The following GDAP1 variants were observed in gnomAD, a reference collection of about 807,000 sequenced individuals.
GDAP1 encodes the protein ganglioside-induced differentiation-associated protein 1.
A neutral mutation model predicts 40.1 loss-of-function variants in GDAP1; 34 were observed. The observed-to-expected ratio is 0.85, with a 90% CI of 0.64 to 1.13. The LOEUF (loss-of-function observed/expected upper bound fraction) is 1.13. Ranked by LOEUF, GDAP1 falls within the 50% of genes most tolerant of loss-of-function variation. GDAP1 has a pLI of 0.00. For missense variants in GDAP1, 374 were observed against 433.7 expected, an observed-to-expected ratio of 0.86 and a Z score of 1.22; for synonymous variants, 170 against 157.4, an observed-to-expected ratio of 1.08 and a Z score of -0.60.
At chr8:74,476,274 GC>G (rs1388369576) in intron 2 of GDAP1, among the ~76,000 whole-genome samples, 6 of 151,992 alleles carry the variant, frequency 3.9e-5, no homozygotes, top group African/African-American at 1.4e-4. Flanking sequence ...GGATATTTAT[GC>G]CATTTACATT....
At chr8:74,408,313 G>T (rs1361779922) in intron 2 of GDAP1, among the ~76,000 whole-genome samples, 1 of 150,180 alleles carries the variant, frequency 6.7e-6, no homozygotes, top group Non-Finnish European at 1.5e-5. Context: ...TTCTCCCAGG[G>T]TATCTCCAAG....
chr8:74,442,450 G>C (rs1806174827), intron 2 of GDAP1, among the ~76,000 whole-genome samples: 1 of 152,116 alleles, frequency 6.6e-6, no homozygotes, highest in South Asian at 2.1e-4. Flanking sequence ...AGTTTGGGTT[G>C]CCACTCCATT....
At position 74,414,859 on chromosome 8, in the gene GDAP1, C is replaced by G. The variant is rs1281517751; in HGVS notation, c.165+63538C>G. 3.3e-5 allele frequency among the ~76,000 whole-genome samples: 5 copies of G among 149,660 alleles called. 1 individual carries two copies. The highest frequency in any genetic ancestry group is 1.3e-4 in the African/African-American group (5 of 39,172). On this transcript the variant is annotated intron_variant, in intron 2 of 2. Coordinates refer to the GDAP1 transcript ENST00000523640. ...CCATGAACCCCAAGCAAGATAAACA[C>G]AAAAGAATACATGTCCAGACACATA...
chr8:74,431,806 T>C (rs925628131), intron 2 of GDAP1, among the ~76,000 whole-genome samples: 1 of 152,118 alleles, frequency 6.6e-6, no homozygotes, highest in African/African-American at 2.4e-5. Flanking sequence ...ATAAAAATGG[T>C]AAAATAAGCG....
intron 2 of GDAP1, among the ~76,000 whole-genome samples, chr8:74,462,425 C>G (rs1806412512): frequency 6.6e-6 from 1 of 152,284 alleles, no homozygotes; most frequent in African/African-American, 2.4e-5. Flanking sequence ...ATTGTCTGAG[C>G]TGTTTTCATT....
chr8:74,358,716 T>C (rs1215600985), intron 2 of GDAP1, among the ~76,000 whole-genome samples: 1 of 152,164 alleles, frequency 6.6e-6, no homozygotes, highest in African/African-American at 2.4e-5. Flanking sequence ...AAACATGTTT[T>C]AGGAAAACCC....
intron 2 of GDAP1, among the ~76,000 whole-genome samples, chr8:74,392,570 A>G (rs1410156754): frequency 6.6e-6 from 1 of 152,198 alleles, no homozygotes; most frequent in East Asian, 1.9e-4. Context: ...CATATTATAT[A>G]CTAGTGAGAA....
intron 2 of GDAP1, among the ~76,000 whole-genome samples, chr8:74,379,025 T>G (rs1206088839): frequency 2.0e-5 from 3 of 152,168 alleles, no homozygotes; most frequent in Non-Finnish European, 4.4e-5. Context: ...GGAGGGCATG[T>G]CCTCTTGGCC....
chr8:74,388,799 T>C (rs891577765), intron 2 of GDAP1, among the ~76,000 whole-genome samples: 2 of 152,198 alleles, frequency 1.3e-5, no homozygotes, highest in Non-Finnish European at 2.9e-5. Flanking sequence ...CTCATTATTA[T>C]TGTGTGGGAG....
At chr8:74,427,183 T>C (rs1805958570) in intron 2 of GDAP1, among the ~76,000 whole-genome samples, 1 of 152,332 alleles carries the variant, frequency 6.6e-6, no homozygotes, top group South Asian at 2.1e-4. Flanking sequence ...AGATATGTGA[T>C]CCAGCTGACA....
intron 2 of GDAP1, among the ~76,000 whole-genome samples, chr8:74,374,351 C>T (rs572449741): frequency 6.6e-6 from 1 of 152,164 alleles, no homozygotes; most frequent in East Asian, 1.9e-4. Flanking sequence ...CTTCCTTGTA[C>T]CTCCGGTAGA....
intron 2 of GDAP1, among the ~76,000 whole-genome samples, chr8:74,422,345 CTTTCTTCCCTTCCTT>C (rs1563465499): frequency 2.5e-3 from 118 of 46,596 alleles, no homozygotes; most frequent in Middle Eastern, 0.016. Context: ...TTCTTTCTTT[CTTTCTTCCCTTCCTT>C]CCTTCCTTCC....
Position 74,412,959 on chromosome 8 carries a change from T to C in GDAP1, c.165+61638T>C, listed in dbSNP as rs372532204. Among the ~76,000 whole-genome samples, 847 of 143,042 alleles carry C rather than the reference T, an allele frequency of 5.9e-3. 71 individuals carry two copies. Among genetic ancestry groups the C allele is most frequent in the African/African-American group, 0.022 (791 of 36,236 alleles). 93.8% of individuals were successfully genotyped at this position (143,042 alleles called of 152,430 possible). A position where few individuals can be genotyped will look rare whatever the true frequency, so the allele number is the denominator to read the frequency against. On this transcript the variant is annotated intron_variant, in intron 2 of 2. Coordinates refer to the GDAP1 transcript ENST00000523640. ...GCACGTGCCTGTAGTCCCAGCTACT[T>C]GGGAGGCTGAGGCAGGAGAATCCCT...
At position 74,364,425 on chromosome 8, in the gene GDAP1, G is replaced by T; in HGVS notation, c.*58G>T. On this transcript the variant is annotated 3_prime_UTR_variant, in exon 6 of 6. Transcript: ENST00000220822. ...AAGCATTTAGCTAGACCCTGTGATTGCCCGTGGCTCTCTGAGTCTGTCTTA... is the reference window on the plus strand; with the variant it reads ...AAGCATTTAGCTAGACCCTGTGATTTCCCGTGGCTCTCTGAGTCTGTCTTA... 1 of 1,535,432 alleles carries T rather than the reference G, an allele frequency of 6.5e-7. No homozygotes were observed. Among genetic ancestry groups the T allele is most frequent in the South Asian group, 1.1e-5 (1 of 89,420 alleles).
chr8:74,424,330 A>G (rs754837679), intron 2 of GDAP1, among the ~76,000 whole-genome samples: 3 of 152,164 alleles, frequency 2.0e-5, no homozygotes, highest in Non-Finnish European at 4.4e-5. Context: ...TGTAGAACCC[A>G]TGGATATGAA....
chr8:74,374,461 A>G (rs1195486207), intron 2 of GDAP1, among the ~76,000 whole-genome samples: 5 of 152,146 alleles, frequency 3.3e-5, no homozygotes, highest in Non-Finnish European at 5.9e-5. Flanking sequence ...AAGAGGAGCA[A>G]ATTAAACCCA....
chr8:74,372,952 A>G (rs1038086810), intron 2 of GDAP1, among the ~76,000 whole-genome samples: 6 of 152,166 alleles, frequency 3.9e-5, no homozygotes, highest in Admixed American at 6.6e-5. Flanking sequence ...TATAAGATGT[A>G]AGGAAGGGAT....
intron 2 of GDAP1, among the ~76,000 whole-genome samples, chr8:74,405,303 T>C (rs1805625028): frequency 6.7e-6 from 1 of 150,170 alleles, no homozygotes; most frequent in Non-Finnish European, 1.5e-5. Flanking sequence ...CACGTGAGGA[T>C]TGTTACAATT....
At chr8:74,362,824 TCTCG>T in intron 4 of GDAP1, 111 bp from the exon 5 acceptor site, 2 of 536,256 alleles carry the variant, frequency 3.7e-6, no homozygotes, top group East Asian at 3.4e-5. Context: ...TTCTATTTCT[TCTCG>T]TTGTCTAAAA....
Sources: gnomAD v4.1 joint callset for allele counts (sites outside exome capture counted in the v4.1 genomes callset) on GRCh38, gnomAD v4.1.1 for gene constraint, MANE v1.5 for transcripts, NCBI Gene and HGNC (gene_info 2026-07-23, HGNC 2026-07-21) for gene names.